The following KHDRBS2 variants were observed in gnomAD, a reference collection of about 807,000 sequenced individuals.
KHDRBS2 encodes KH RNA binding domain containing, signal transduction associated 2.
KHDRBS2 carries 26 observed loss-of-function variants against 44.3 expected under a neutral mutation model. The observed-to-expected ratio is 0.59, with a 90% confidence interval of 0.43 to 0.81. KHDRBS2 has a LOEUF of 0.81. Ranked by LOEUF, KHDRBS2 falls within the 40% of genes least tolerant of loss-of-function variation. The probability of loss-of-function intolerance (pLI) is 0.00; values close to 1 mark genes in which losing one functional copy is unlikely to be tolerated. For synonymous variants in KHDRBS2, 194 were observed against 151.1 expected (o/e 1.28, Z -2.08); for missense variants, 476 against 433.1 (o/e 1.10, Z -0.88).
chr6:61,721,714 G>A lies in KHDRBS2; in HGVS notation c.893+10968C>T, dbSNP rs1772588667. 3.4e-5 allele frequency among the ~76,000 whole-genome samples: 4 copies of A among 117,642 alleles called. 1 individual carries two copies. Among genetic ancestry groups the A allele is most frequent in the Non-Finnish European group, 7.7e-5 (4 of 51,674 alleles). The allele number at this position is 117,642 out of a possible 152,430, so 77.2% of individuals were successfully genotyped here. On this transcript the variant is annotated intron_variant, in intron 7 of 8. Transcript: ENST00000281156. The stretch of plus-strand genomic sequence containing the variant: ...TGGGGTTTTCTAGCTATACAATCAT[G>A]TCATCTGCAAACAGGGACAATTTGA...
At chr6:62,001,114 C>T (rs912331875) in intron 3 of KHDRBS2, among the ~76,000 whole-genome samples, 13 of 152,262 alleles carry the variant, frequency 8.5e-5, no homozygotes, top group African/African-American at 2.9e-4. Context: ...ACGTTCTGGT[C>T]ACCTTACTTG....
At chr6:62,116,283 G>A (rs1806197488) in intron 2 of KHDRBS2, among the ~76,000 whole-genome samples, 1 of 151,982 alleles carries the variant, frequency 6.6e-6, no homozygotes, top group South Asian at 2.1e-4. Context: ...CTGTGGAATA[G>A]CTTTCCAAAA....
intron 7 of KHDRBS2, among the ~76,000 whole-genome samples, chr6:61,700,807 G>A (rs1768534579): frequency 6.6e-6 from 1 of 151,696 alleles, no homozygotes; most frequent in Non-Finnish European, 1.5e-5. Context: ...AATGCCTTAA[G>A]AAGTCATCAG....
chr6:61,574,441 C>T, the KHDRBS2 span: 1 of 1,452,602 alleles, frequency 6.9e-7, no homozygotes, highest in East Asian at 2.6e-5. Flanking sequence ...CTTCAATTTA[C>T]CAATGCAAAC....
At chr6:62,271,551 T>G (rs1840094660) in intron 1 of KHDRBS2, among the ~76,000 whole-genome samples, 1 of 152,184 alleles carries the variant, frequency 6.6e-6, no homozygotes, top group African/African-American at 2.4e-5. Context: ...TCAGGAGATA[T>G]TCCAGAGGGA....
chr6:61,664,375 A>G, the KHDRBS2 span, among the ~76,000 whole-genome samples: 1 of 151,858 alleles, frequency 6.6e-6, no homozygotes, highest in South Asian at 2.1e-4. Context: ...AAATACTGGG[A>G]AAATTAGTTA....
the KHDRBS2 span, among the ~76,000 whole-genome samples, chr6:61,590,630 G>T: frequency 6.6e-6 from 1 of 152,028 alleles, no homozygotes; most frequent in East Asian, 1.9e-4. Context: ...AATATCCTGT[G>T]GGTTTACTTT....
the KHDRBS2 span, among the ~76,000 whole-genome samples, chr6:61,578,134 C>T: frequency 6.6e-6 from 1 of 152,002 alleles, no homozygotes; most frequent in East Asian, 1.9e-4. Context: ...ACACTCAGAG[C>T]AAGAGAAGGT....
intron 6 of KHDRBS2, among the ~76,000 whole-genome samples, chr6:61,743,061 G>A (rs1776369621): frequency 2.6e-5 from 4 of 151,986 alleles, no homozygotes; most frequent in Admixed American, 2.0e-4. Context: ...CTCTGGGGAG[G>A]CTAATGCTAA....
At chr6:61,745,204 G>C (rs1776686977) in intron 6 of KHDRBS2, among the ~76,000 whole-genome samples, 1 of 152,082 alleles carries the variant, frequency 6.6e-6, no homozygotes, top group African/African-American at 2.4e-5. Context: ...ATTGCTTCTA[G>C]GCTATAATTA....
chr6:61,579,963 A>G, the KHDRBS2 span, among the ~76,000 whole-genome samples: 2 of 152,088 alleles, frequency 1.3e-5, no homozygotes, highest in East Asian at 3.9e-4. Flanking sequence ...AGGCTGAGGC[A>G]GGAGAATCAC....
At chr6:62,008,411 G>T (rs1217541755) in intron 3 of KHDRBS2, among the ~76,000 whole-genome samples, 1 of 152,012 alleles carries the variant, frequency 6.6e-6, no homozygotes, top group East Asian at 1.9e-4. Flanking sequence ...ATTTTGTGAG[G>T]AATAAAATAT....
chr6:62,241,679 T>C (rs572290269), intron 1 of KHDRBS2, among the ~76,000 whole-genome samples: 2 of 148,922 alleles, frequency 1.3e-5, no homozygotes, highest in South Asian at 4.2e-4. Flanking sequence ...ATTACTGAAA[T>C]ATATTATGTC....
At position 62,194,480 on chromosome 6, in the gene KHDRBS2, C is replaced by CTTTTTTTTTTTTTTTTTTTTTTTTTTTTT. The variant is rs70996208; in HGVS notation, c.92-17197_92-17169dup. ...CACTTTCTTTTCTTTTCTTTTCTTCCTTTTTTTTTTTTTTTTTTTTTTTTT... is the reference window on the plus strand; with the variant it reads ...CACTTTCTTTTCTTTTCTTTTCTTCCTTTTTTTTTTTTTTTTTTTTTTTTTTTTTTTTTTTTTTTTTTTTTTTTTTTTTT... On this transcript the variant is annotated intron_variant, in intron 1 of 8. Coordinates refer to ENST00000281156, the MANE Select transcript of KHDRBS2 (RefSeq NM_152688.4). 8.6e-5 allele frequency among the ~76,000 whole-genome samples: 6 copies of CTTTTTTTTTTTTTTTTTTTTTTTTTTTTT among 69,768 alleles called. 1 individual carries two copies. Among genetic ancestry groups the CTTTTTTTTTTTTTTTTTTTTTTTTTTTTT allele is most frequent in the Non-Finnish European group, 1.3e-4 (5 of 39,778 alleles). 45.8% of individuals were successfully genotyped at this position (69,768 alleles called of 152,430 possible).
At chr6:61,777,731 A>T (rs1322028890) in intron 6 of KHDRBS2, among the ~76,000 whole-genome samples, 1 of 152,166 alleles carries the variant, frequency 6.6e-6, no homozygotes, top group African/African-American at 2.4e-5. Context: ...GCATAAAAAC[A>T]GATTCTTGAT....
In KHDRBS2 at chr6:61,932,669, G is replaced by A. The variant is rs143631303; in HGVS notation, c.484-31298C>T. ...AAAAAAATTAGCCGGGCGTGGTGGT[G>A]GGCACCTGTATTCCCAGCTACTCGG... On this transcript the variant is annotated intron_variant, in intron 4 of 8. Transcript: ENST00000281156. 2.2e-3 allele frequency among the ~76,000 whole-genome samples: 337 copies of A among 152,128 alleles called. 4 individuals carry two copies. Among genetic ancestry groups the A allele is most frequent in the Admixed American group, 0.017 (261 of 15,268 alleles).
intron 6 of KHDRBS2, among the ~76,000 whole-genome samples, chr6:61,849,526 T>G (rs1795142445): frequency 1.3e-5 from 2 of 152,202 alleles, no homozygotes; most frequent in South Asian, 2.1e-4. Context: ...CTTTAATGAG[T>G]TCTAAAATAG....
intron 6 of KHDRBS2, among the ~76,000 whole-genome samples, chr6:61,836,151 C>T (rs1583079903): frequency 6.6e-6 from 1 of 151,950 alleles, no homozygotes; most frequent in Non-Finnish European, 1.5e-5. Flanking sequence ...CTATCTACCA[C>T]ATGGAATCAG....
chr6:61,865,401 G>A (rs1797628082), intron 6 of KHDRBS2, among the ~76,000 whole-genome samples: 1 of 152,146 alleles, frequency 6.6e-6, no homozygotes, highest in Non-Finnish European at 1.5e-5. Context: ...AGTAAGTCAT[G>A]TCTTATATGG....
Sources: gnomAD v4.1 joint callset for allele counts (sites outside exome capture counted in the v4.1 genomes callset) on GRCh38, gnomAD v4.1.1 for gene constraint, MANE v1.5 for transcripts, NCBI Gene and HGNC (gene_info 2026-07-23, HGNC 2026-07-21) for gene names.